Variants in INA observed in about 807,000 individuals in gnomAD.
INA encodes the protein alpha-internexin.
In INA, 35 loss-of-function variants were observed where a neutral mutation model predicts 40.1. The ratio of observed to expected loss-of-function variants is 0.87; its 90% CI spans 0.67 to 1.16. The LOEUF (loss-of-function observed/expected upper bound fraction) is 1.16, where lower values mean the gene tolerates loss of function less well. INA is among the 50% of genes most tolerant of loss of function. The pLI is 0.00. For synonymous variants in INA, 290 were observed against 316.9 expected (o/e 0.92, Z 0.90); for missense variants, 594 against 686.7 (o/e 0.87, Z 1.51).
Position 103,288,623 on chromosome 10 carries a change from A to G in INA, c.1454A>G (p.Glu485Gly). The G allele has an allele frequency of 6.3e-7, 1 of 1,597,164 alleles. No homozygotes were observed. Residue 485 changes from glutamate to glycine, a missense_variant, in exon 3 of 3, where the codon GAG (glutamate) becomes GGG (glycine). By Grantham distance (98) the Glu-to-Gly change is moderately conservative. Around this residue, in one of 2 missense-constraint regions of INA, gnomAD observed 379 missense variants for 496.1 expected, o/e 0.76. Coordinates refer to ENST00000369849, the MANE Select transcript of INA (RefSeq NM_032727.4). Reference protein sequence around the residue: ...EETVISTKKTEKSNIEETTIS... With the variant: ...EETVISTKKTGKSNIEETTIS... Reference sequence around the variant, plus strand: ...ACAGTAATATCTACTAAGAAAACCGAGAAATCAAATATAGAAGAAACCACC... The same window carrying G: ...ACAGTAATATCTACTAAGAAAACCGGGAAATCAAATATAGAAGAAACCACC...
rs758260934 is a variant in INA, at chr10:103,278,148, C to A, written c.937C>A (p.His313Asn). ...EAIRASREEI[H>N]EYRRQLQART... The stretch of plus-strand genomic sequence containing the variant: ...CATCCGGGCCAGCCGCGAGGAGATC[C>A]ACGAGTATCGGCGCCAGCTGCAGGC... The change falls in exon 1 of 3, where the codon CAC becomes AAC. Residue 313 changes from histidine to asparagine, a missense_variant. By Grantham distance (68) the His-to-Asn change is moderately conservative. Around this residue, in one of 2 missense-constraint regions of INA, gnomAD observed 379 missense variants for 496.1 expected, o/e 0.76. Coordinates refer to ENST00000369849, the MANE Select transcript of INA (RefSeq NM_032727.4). The surrounding 1 kb of genome is among the most constrained non-coding windows in gnomAD (Gnocchi z 4.9). 6.2e-7 allele frequency: 1 copy of A among 1,612,982 alleles called. No homozygotes were observed. Among genetic ancestry groups the A allele is most frequent in the South Asian group, 1.1e-5 (1 of 91,036 alleles).
Position 103,277,530 on chromosome 10 carries a change from G to A in INA, c.319G>A (p.Val107Met). ...GCAGGGCCTCAACGACCGCTTCGCC[G>A]TGTTCATCGAGAAGGTGCATCAGCT... ...QLQGLNDRFA[V>M]FIEKVHQLET... Residue 107 changes from valine to methionine, a missense_variant, in exon 1 of 3, where the codon GTG becomes ATG. Physicochemically the swap from Val to Met is conservative, Grantham distance 21. Around this residue, in one of 2 missense-constraint regions of INA, gnomAD observed 215 missense variants for 190.6 expected, o/e 1.13. Coordinates refer to ENST00000369849, the MANE Select transcript of INA (RefSeq NM_032727.4). This position sits in a 1 kb window ranked among gnomAD's most constrained non-coding sequence, Gnocchi z 5.6. 3 of 1,586,062 alleles carry A rather than the reference G, an allele frequency of 1.9e-6. No individual in the cohort carries two copies. Among genetic ancestry groups the A allele is most frequent in the Non-Finnish European group, 2.6e-6 (3 of 1,170,098 alleles).
In INA at chr10:103,277,313, C is replaced by T; in HGVS notation, c.102C>T (p.Gly34=). The T allele has an allele frequency of 2.5e-6, 4 of 1,586,442 alleles. No individual in the cohort carries two copies. The highest frequency in any genetic ancestry group is 1.1e-5 in the South Asian group (1 of 88,780). The change falls in exon 1 of 3, where the codon GGC becomes GGT. Residue 34 remains glycine (G), a synonymous_variant. Transcript: ENST00000369849. This position sits in a 1 kb window ranked among gnomAD's most constrained non-coding sequence, Gnocchi z 5.6. ...CCGCCCGCCTCTCTGGGGCCGGCGG[C>T]GCGGGCGGCTTCCGCTCGCAGTCGC... is the stretch of plus-strand genomic sequence containing the variant. ...RLSARLSGAG[G]AGGFRSQSLS... is the part of the protein sequence containing the mutation.
Position 103,278,903 on chromosome 10 carries a change from G to GCGCACACACACACA in INA, c.1065+628_1065+629insGCACACACACACAC, listed in dbSNP as rs1554858925. On this transcript the variant is annotated intron_variant, in intron 1 of 2. Coordinates refer to ENST00000369849, the MANE Select transcript of INA (RefSeq NM_032727.4). The surrounding 1 kb of genome is among the most constrained non-coding windows in gnomAD (Gnocchi z 4.9). ...ACACACACGATTCCCTTGTCCACCA[G>GCGCACACACACACA]CACACACACACACACACACACACAC... 7.3e-6 allele frequency among the ~76,000 whole-genome samples: 1 copy of GCGCACACACACACA among 136,792 alleles called. No homozygotes were observed. The highest frequency in any genetic ancestry group is 2.7e-5 in the African/African-American group (1 of 36,612). 89.7% of individuals were successfully genotyped at this position (136,792 alleles called of 152,430 possible).
intron 1 of INA, chr10:103,280,554 T>A (rs2093070433): frequency 6.1e-6 from 6 of 985,322 alleles, no homozygotes; most frequent in African/African-American, 1.7e-5. Flanking sequence ...GTAGGGCCAT[T>A]TTTCTTTTCA....
At position 103,278,051 on chromosome 10, in the gene INA, G is replaced by A; in HGVS notation, c.840G>A (p.Leu280=). ...AQYESLAAKN[L]QSAEEWYKSK... ...ATGAGTCCCTGGCCGCTAAGAACCT[G>A]CAGTCCGCGGAAGAATGGTACAAGT... The change falls in exon 1 of 3, where the codon CTG becomes CTA. Residue 280 remains leucine, a synonymous_variant. Coordinates refer to ENST00000369849, the MANE Select transcript of INA (RefSeq NM_032727.4). This position sits in a 1 kb window ranked among gnomAD's most constrained non-coding sequence, Gnocchi z 4.9. 1 of 1,613,518 alleles carries A rather than the reference G, an allele frequency of 6.2e-7. No homozygotes were observed.
rs1214329067 is a variant in INA, at chr10:103,288,595, G to A, written c.1426G>A (p.Glu476Lys). Reference protein sequence around the residue: ...IGESFEEILEETVISTKKTEK... With the variant: ...IGESFEEILEKTVISTKKTEK... ...GGAAAGTTTTGAAGAAATATTAGAG[G>A]AGACAGTAATATCTACTAAGAAAAC... is the stretch of plus-strand genomic sequence containing the variant. Residue 476 changes from glutamate to lysine, a missense_variant, in exon 3 of 3, where the codon GAG (glutamate) becomes AAG (lysine). Coordinates refer to ENST00000369849, the MANE Select transcript of INA (RefSeq NM_032727.4). 6.8e-6 allele frequency: 11 copies of A among 1,611,978 alleles called. No homozygotes were observed. Among genetic ancestry groups the A allele is most frequent in the Non-Finnish European group, 9.3e-6 (11 of 1,178,760 alleles).
intron 1 of INA, chr10:103,280,164 A>G: frequency 1.0e-6 from 1 of 985,470 alleles, no homozygotes; most frequent in Non-Finnish European, 1.2e-6. Context: ...CATGGTCTAC[A>G]GGAAACAAAC....
intron 1 of INA, chr10:103,280,326 G>A: frequency 1.1e-5 from 11 of 985,404 alleles, no homozygotes; most frequent in Non-Finnish European, 1.3e-5. Flanking sequence ...GGGACCTAAG[G>A]CTAAGGTGGA....
rs1360252020 is a variant in INA, at chr10:103,288,396, C to G, written c.1227C>G (p.Thr409=). ...LLEGEETRFS[T]SGLSISGLNP... is the part of the protein sequence containing the mutation. ...AAGGCGAGGAGACACGTTTTAGCAC[C>G]AGTGGGTTAAGCATTTCGGGGCTGA... Residue 409 remains threonine, a synonymous_variant, in exon 3 of 3, where the codon ACC becomes ACG. Coordinates refer to ENST00000369849, the MANE Select transcript of INA (RefSeq NM_032727.4). 2 of 1,609,342 alleles carry G rather than the reference C, an allele frequency of 1.2e-6. No homozygotes were observed. The highest frequency in any genetic ancestry group is 2.7e-5 in the African/African-American group (2 of 74,342).
intron 1 of INA, 54 bp from the exon 2 acceptor site, chr10:103,286,981 C>A: frequency 6.3e-7 from 1 of 1,590,362 alleles, no homozygotes; most frequent in Non-Finnish European, 8.6e-7. Flanking sequence ...TTCTGGAAAT[C>A]TTGAGGAATT....
chr10:103,279,792 A>T, intron 1 of INA: 1 of 399,604 alleles, frequency 2.5e-6, no homozygotes, highest in Non-Finnish European at 4.4e-6. Flanking sequence ...TGGACTGTTT[A>T]GGTTAGTTTG....
chr10:103,280,456 C>T, intron 1 of INA: 1 of 985,408 alleles, frequency 1.0e-6, no homozygotes, highest in Non-Finnish European at 1.2e-6. Context: ...TGAGATTTAG[C>T]CATTGTTTTC....
intron 2 of INA, 25 bp from the exon 3 acceptor site, chr10:103,288,335 G>A: frequency 6.4e-7 from 1 of 1,568,274 alleles, no homozygotes. Flanking sequence ...GACTTCCTAA[G>A]AGTTTTTCTC....
In INA at chr10:103,287,064, G is replaced by C. The variant is rs1476072830; in HGVS notation, c.1095G>C (p.Leu365=). Residue 365 remains leucine (L), a synonymous_variant, in exon 2 of 3, where the codon CTG becomes CTC. Coordinates refer to ENST00000369849, the MANE Select transcript of INA (RefSeq NM_032727.4). ...QDSIGQLEND[L]RNTKSEMARH... ...GCATTGGGCAGCTGGAGAATGATCT[G>C]AGGAACACCAAGAGTGAGATGGCAC... The C allele has an allele frequency of 6.2e-7, 1 of 1,613,988 alleles. No homozygotes were observed. The highest frequency in any genetic ancestry group is 8.5e-7 in the Non-Finnish European group (1 of 1,179,932).
In INA at chr10:103,278,118, G is replaced by C; in HGVS notation, c.907G>C (p.Glu303Gln). Residue 303 changes from glutamate to glutamine, a missense_variant, in exon 1 of 3, where the codon GAG becomes CAG. By Grantham distance (29) the Glu-to-Gln change is conservative. This residue lies in a region of INA where 379 missense variants were observed against 496.1 expected (regional missense o/e 0.76). Coordinates refer to ENST00000369849, the MANE Select transcript of INA (RefSeq NM_032727.4). The surrounding 1 kb of genome is among the most constrained non-coding windows in gnomAD (Gnocchi z 4.9). Reference protein sequence around the residue: ...NLNEQAARSTEAIRASREEIH... With the variant: ...NLNEQAARSTQAIRASREEIH... ...GAACGAGCAGGCGGCGCGCAGCACCGAGGCCATCCGGGCCAGCCGCGAGGA... is the reference window on the plus strand; with the variant it reads ...GAACGAGCAGGCGGCGCGCAGCACCCAGGCCATCCGGGCCAGCCGCGAGGA... 6.2e-7 allele frequency: 1 copy of C among 1,613,036 alleles called. No homozygotes were observed. Among genetic ancestry groups the C allele is most frequent in the Non-Finnish European group, 8.5e-7 (1 of 1,179,870 alleles).
At chr10:103,285,350 C>T (rs983350004) in intron 1 of INA, among the ~76,000 whole-genome samples, 14 of 148,910 alleles carry the variant, frequency 9.4e-5, no homozygotes, top group Admixed American at 1.4e-4. Flanking sequence ...AGCTGGAGTG[C>T]GGTGGTACGA....
chr10:103,284,762 A>G (rs1249647008), intron 1 of INA, among the ~76,000 whole-genome samples: 1 of 151,904 alleles, frequency 6.6e-6, no homozygotes, highest in African/African-American at 2.4e-5. Flanking sequence ...TCGGAAAAAA[A>G]AAAAAAGAAG....
rs1020942921 is a variant in INA at position 103,277,570 on chromosome 10, G to T, written c.359G>T (p.Arg120Leu). 6.4e-7 allele frequency: 1 copy of T among 1,572,804 alleles called. No individual in the cohort carries two copies. Residue 120 changes from arginine to leucine, a missense_variant, in exon 1 of 3, where the codon CGC becomes CTC. Physicochemically the swap from Arg to Leu is moderately radical, Grantham distance 102. Around this residue, in one of 2 missense-constraint regions of INA, gnomAD observed 215 missense variants for 190.6 expected, o/e 1.13. Transcript: ENST00000369849. This position sits in a 1 kb window ranked among gnomAD's most constrained non-coding sequence, Gnocchi z 5.6. ...GTGCATCAGCTGGAGACGCAGAACC[G>T]CGCGTTGGAGGCCGAGCTGGCCGCG... ...EKVHQLETQN[R>L]ALEAELAALR...
Sources: gnomAD v4.1 joint callset for allele counts (sites outside exome capture counted in the v4.1 genomes callset) on GRCh38, gnomAD v4.1.1 for gene constraint, gnomAD v4.1.1 regional missense constraint, Gnocchi (gnomAD v3.1) non-coding constraint, MANE v1.5 for transcripts, NCBI Gene and HGNC (gene_info 2026-07-23, HGNC 2026-07-21) for gene names.